PKHD1L1: variants seen among roughly 807,000 people sequenced by gnomAD.
PKHD1L1 encodes the protein PKHD1 like 1.
A neutral mutation model predicts 462.9 loss-of-function variants in PKHD1L1; 434 were observed. That is an observed-to-expected ratio of 0.94 (90% CI 0.87 to 1.02). PKHD1L1 has a LOEUF of 1.02. Ranked by LOEUF, PKHD1L1 falls within the 50% of genes least tolerant of loss-of-function variation. PKHD1L1 has a pLI of 0.00. For missense variants in PKHD1L1, 5,202 were observed against 5,096.1 expected (o/e 1.02, Z -0.63); for synonymous variants, 1,781 against 1,750.0 (o/e 1.02, Z -0.44).
intron 25 of PKHD1L1, 33 bp downstream of exon 25, chr8:109,427,189 C>T: frequency 6.6e-7 from 1 of 1,526,242 alleles, no homozygotes; most frequent in Non-Finnish European, 9.1e-7. Flanking sequence ...CTCTTTTCTT[C>T]TATGTGCTGT....
Position 109,435,324 on chromosome 8 carries a change from C to T in PKHD1L1, c.3475C>T (p.His1159Tyr). Reference protein sequence around the residue: ...FYFVYQSQISHIWPDSGSIAG... With the variant: ...FYFVYQSQISYIWPDSGSIAG... Reference sequence around the variant, plus strand: ...CTTTGTTTATCAGAGTCAGATCTCACATATCTGGCCTGATTCTGGAAGCAT... The same window carrying T: ...CTTTGTTTATCAGAGTCAGATCTCATATATCTGGCCTGATTCTGGAAGCAT... Residue 1159 changes from histidine to tyrosine, a missense_variant, in exon 29 of 78, where the codon CAT becomes TAT. Transcript: ENST00000378402. 6.2e-7 allele frequency: 1 copy of T among 1,612,608 alleles called. No homozygotes were observed. The highest frequency in any genetic ancestry group is 1.3e-5 in the African/African-American group (1 of 74,952).
At chr8:109,395,938 G>A (rs1812948239) in intron 10 of PKHD1L1, 89 bp from the exon 11 acceptor site, 4 of 823,318 alleles carry the variant, frequency 4.9e-6, no homozygotes, top group East Asian at 5.4e-5. Context: ...TAGGCACTAT[G>A]GCTAGGTAAT....
chr8:109,377,363 A>C (rs912879636), intron 2 of PKHD1L1, among the ~76,000 whole-genome samples: 1 of 151,956 alleles, frequency 6.6e-6, no homozygotes, highest in Admixed American at 6.6e-5. Context: ...TTTTTTGTTT[A>C]CTGATGTTAT....
intron 21 of PKHD1L1, 120 bp from the exon 22 acceptor site, chr8:109,418,977 C>G (rs1041743683): frequency 7.4e-6 from 6 of 811,568 alleles, no homozygotes; most frequent in African/African-American, 6.9e-5. Flanking sequence ...AATAAAGCTC[C>G]CCTGATGGTC....
chr8:109,426,778 G>A (rs1371053963), intron 24 of PKHD1L1, among the ~76,000 whole-genome samples: 1 of 152,024 alleles, frequency 6.6e-6, no homozygotes, highest in East Asian at 1.9e-4. Flanking sequence ...TCAGCCTCCC[G>A]AGTAGCTGGG....
At chr8:109,370,092 C>G (rs1378439371) in intron 2 of PKHD1L1, among the ~76,000 whole-genome samples, 1 of 152,100 alleles carries the variant, frequency 6.6e-6, no homozygotes, top group Non-Finnish European at 1.5e-5. Context: ...ATCCCGGCTA[C>G]CCACTTACTG....
chr8:109,413,732 T>C (rs1813983016), intron 21 of PKHD1L1, among the ~76,000 whole-genome samples, 187 bp downstream of exon 21: 1 of 152,088 alleles, frequency 6.6e-6, no homozygotes, highest in East Asian at 1.9e-4. Context: ...GAAATAGTCA[T>C]GTTTTAAAGA....
chr8:109,521,387 T>C (rs1205031576), intron 73 of PKHD1L1, among the ~76,000 whole-genome samples: 1 of 152,134 alleles, frequency 6.6e-6, no homozygotes, highest in Admixed American at 6.5e-5. Context: ...AAAAGATCAG[T>C]CTGACTCCAG....
Position 109,475,153 on chromosome 8 carries a change from A to T in PKHD1L1, c.8641A>T (p.Thr2881Ser), listed in dbSNP as rs1383636348. 1 of 1,611,356 alleles carries T rather than the reference A, an allele frequency of 6.2e-7. No homozygotes were observed. The highest frequency in any genetic ancestry group is 1.3e-5 in the African/African-American group (1 of 74,776). The change falls in exon 51 of 78, where the codon ACT becomes TCT. Residue 2881 changes from threonine to serine, a missense_variant. This residue lies in a region of PKHD1L1 where 4,497 missense variants were observed against 4,336.8 expected (regional missense o/e 1.04). Transcript: ENST00000378402. The part of the protein sequence containing the change: ...SIIPFQKKRL[T>S]HMSGWMALIP... ...TATTCCATTTCAGAAGAAACGACTG[A>T]CTCATATGTCTGGATGGATGGCTCT... is the stretch of plus-strand genomic sequence containing the variant.
At chr8:109,472,914 C>A (rs1673390) in intron 50 of PKHD1L1, among the ~76,000 whole-genome samples, 2 of 151,698 alleles carry the variant, frequency 1.3e-5, no homozygotes, top group South Asian at 4.2e-4. Flanking sequence ...ATTTTACACA[C>A]GTCCATATAT....
chr8:109,430,646 T>C (rs1469618378), intron 27 of PKHD1L1, among the ~76,000 whole-genome samples: 3 of 152,096 alleles, frequency 2.0e-5, no homozygotes, highest in Non-Finnish European at 2.9e-5. Flanking sequence ...ATCAGGATAG[T>C]AAGGGATGGC....
At chr8:109,372,802 T>A (rs1421625808) in intron 2 of PKHD1L1, among the ~76,000 whole-genome samples, 1 of 152,224 alleles carries the variant, frequency 6.6e-6, no homozygotes, top group Non-Finnish European at 1.5e-5. Flanking sequence ...TATGCTGGAT[T>A]ATGTTTATTG....
chr8:109,490,161 C>A (rs1341115014), intron 60 of PKHD1L1, 106 bp downstream of exon 60: 1 of 689,982 alleles, frequency 1.4e-6, no homozygotes, highest in Non-Finnish European at 2.3e-6. Flanking sequence ...AAATTATAAT[C>A]TAATATAATA....
intron 50 of PKHD1L1, chr8:109,470,756 G>A: frequency 6.5e-7 from 1 of 1,546,860 alleles, no homozygotes; most frequent in Non-Finnish European, 8.8e-7. Context: ...TTTCTGAGTG[G>A]TAGGGAGGAC....
rs1813800320 is a variant in PKHD1L1 at position 109,410,726 on chromosome 8, C to CTTTTTTTTTTTTTTTTTTGTTTT, written c.2085+766_2085+767insGTTTTTTTTTTTTTTTTTTTTTT. 8.8e-5 allele frequency among the ~76,000 whole-genome samples: 6 copies of CTTTTTTTTTTTTTTTTTTGTTTT among 68,384 alleles called. 1 individual carries two copies. The highest frequency in any genetic ancestry group is 5.2e-4 in the East Asian group (1 of 1,918). 44.9% of individuals were successfully genotyped at this position (68,384 alleles called of 152,430 possible). On this transcript the variant is annotated intron_variant, in intron 19 of 77. Transcript: ENST00000378402. Reference sequence around the variant, plus strand: ...TTCTTTTTTCTTTTCTTTTCTTTTTCTTTTTTTTTTTTTTTTTTTTTGAGA... The same window carrying CTTTTTTTTTTTTTTTTTTGTTTT: ...TTCTTTTTTCTTTTCTTTTCTTTTTCTTTTTTTTTTTTTTTTTTGTTTTTTTTTTTTTTTTTTTTTTTTTGAGA...
In PKHD1L1 at chr8:109,425,179, C is replaced by G. The variant is rs767748515; in HGVS notation, c.2792C>G (p.Ser931Cys). The change falls in exon 24 of 78, where the codon TCT (serine) becomes TGT (cysteine). Residue 931 changes from serine to cysteine, a missense_variant. Around this residue, in one of 3 missense-constraint regions of PKHD1L1, gnomAD observed 4,497 missense variants for 4,336.8 expected, o/e 1.04. Transcript: ENST00000378402. ...KIHIQRIQAASPPLSGSFDIQ... is the reference protein window; with the variant it reads ...KIHIQRIQAACPPLSGSFDIQ... ...CATATTCAAAGAATTCAAGCTGCAT[C>G]TCCACCTCTAAGTGGCAGCTTTGAC... 6.2e-7 allele frequency: 1 copy of G among 1,610,028 alleles called. No individual in the cohort carries two copies. Among genetic ancestry groups the G allele is most frequent in the Non-Finnish European group, 8.5e-7 (1 of 1,178,368 alleles).
intron 58 of PKHD1L1, 24 bp downstream of exon 58, chr8:109,485,197 A>G (rs561499644): frequency 6.7e-7 from 1 of 1,501,060 alleles, no homozygotes; most frequent in East Asian, 2.3e-5. Context: ...TTTTAACCAA[A>G]TAGATATATA....
Position 109,531,361 on chromosome 8 carries a change from T to C in PKHD1L1, c.*1271T>C, listed in dbSNP as rs976875396. Among the ~76,000 whole-genome samples the C allele has an allele frequency of 1.3e-5, 2 of 152,164 alleles. No individual in the cohort carries two copies. The highest frequency in any genetic ancestry group is 4.8e-5 in the African/African-American group (2 of 41,434). ...AAGAAATAAGATGCTATGCCTTCCC[T>C]CGAAGAGTTTTCAGGATATTTGGGG... On this transcript the variant is annotated 3_prime_UTR_variant, in exon 78 of 78. Transcript: ENST00000378402.
At chr8:109,440,437 A>G (rs1350883384) in intron 32 of PKHD1L1, among the ~76,000 whole-genome samples, 1 of 152,138 alleles carries the variant, frequency 6.6e-6, no homozygotes, top group African/African-American at 2.4e-5. Flanking sequence ...TCTCATAAGC[A>G]TATTTTTCCA....
Sources: gnomAD v4.1 joint callset for allele counts (sites outside exome capture counted in the v4.1 genomes callset) on GRCh38, gnomAD v4.1.1 for gene constraint, gnomAD v4.1.1 regional missense constraint, MANE v1.5 for transcripts, NCBI Gene and HGNC (gene_info 2026-07-23, HGNC 2026-07-21) for gene names.